Variants in RBFOX1 observed in about 807,000 individuals in gnomAD.
RBFOX1 encodes the protein RNA binding protein fox-1 homolog 1.
RBFOX1 carries 8 observed loss-of-function variants against 57.7 expected under a neutral mutation model. That is an observed-to-expected ratio of 0.14 (90% confidence interval 0.08 to 0.25). RBFOX1 has a LOEUF of 0.25. Ranked by LOEUF, RBFOX1 falls within the 10% of genes least tolerant of loss-of-function variation. RBFOX1 has a pLI of 1.00. For missense variants in RBFOX1, 611 were observed against 548.5 expected, an observed-to-expected ratio of 1.11 and a Z score of -1.14; for synonymous variants, 326 against 222.4, an observed-to-expected ratio of 1.47 and a Z score of -4.15.
chr16:7,136,940 C>A (rs1212242421), intron 4 of RBFOX1, among the ~76,000 whole-genome samples: 1 of 152,206 alleles, frequency 6.6e-6, no homozygotes, highest in Non-Finnish European at 1.5e-5. Flanking sequence ...TTTCATTCCT[C>A]GTCATGGCCC....
chr16:6,613,002 CATGTGTGT>C (rs1430669076), intron 2 of RBFOX1, among the ~76,000 whole-genome samples: 2 of 116,946 alleles, frequency 1.7e-5, no homozygotes, highest in Admixed American at 2.0e-4. Context: ...CCAGTCCCAG[CATGTGTGT>C]GTGTGTGTGT....
At chr16:7,488,011 G>T (rs1040089822) in intron 4 of RBFOX1, among the ~76,000 whole-genome samples, 1 of 152,092 alleles carries the variant, frequency 6.6e-6, no homozygotes, top group East Asian at 1.9e-4. Flanking sequence ...ACAAGAGGCC[G>T]GCCTTGTGAA....
intron 2 of RBFOX1, among the ~76,000 whole-genome samples, chr16:6,414,929 C>T (rs924925601): frequency 7.9e-5 from 12 of 152,090 alleles, no homozygotes; most frequent in Admixed American, 5.2e-4. Context: ...AAGAATGAAC[C>T]GGTCCCAATA....
At position 7,551,497 on chromosome 16, in the gene RBFOX1, C is replaced by T. The variant is rs149414124; in HGVS notation, c.271-28280C>T. ...AGACACTGGAGAGACAGTAGTGATC[C>T]AGTCAGCCAATAGCTCTGTGCTACT... On this transcript the variant is annotated intron_variant, in intron 5 of 15. Coordinates refer to ENST00000550418, the MANE Select transcript of RBFOX1 (RefSeq NM_018723.4). Among the ~76,000 whole-genome samples the T allele has an allele frequency of 9.5e-4, 145 of 152,288 alleles. 1 individual carries two copies. The highest frequency in any genetic ancestry group is 3.0e-3 in the African/African-American group (123 of 41,554).
At chr16:7,362,924 C>T (rs1231929539) in intron 4 of RBFOX1, among the ~76,000 whole-genome samples, 1 of 152,102 alleles carries the variant, frequency 6.6e-6, no homozygotes, top group Non-Finnish European at 1.5e-5. Context: ...CTCAGCTCTG[C>T]ACTAGTGTGT....
intron 2 of RBFOX1, among the ~76,000 whole-genome samples, chr16:6,449,339 A>G (rs117669990): frequency 2.0e-5 from 3 of 152,318 alleles, no homozygotes; most frequent in Non-Finnish European, 2.9e-5. Flanking sequence ...AGATGTTTCA[A>G]AGGTCTGAAA....
chr16:5,293,048 C>G (rs763122991), intron 1 of RBFOX1, among the ~76,000 whole-genome samples: 2 of 152,134 alleles, frequency 1.3e-5, no homozygotes, highest in South Asian at 2.1e-4. Flanking sequence ...AGGCTGGGCA[C>G]TGTGGCTCAT....
intron 3 of RBFOX1, among the ~76,000 whole-genome samples, chr16:6,727,320 G>A (rs989212517): frequency 4.0e-5 from 6 of 151,790 alleles, no homozygotes; most frequent in South Asian, 2.1e-4. Context: ...AAAAAAAAAC[G>A]CAATTGCTTT....
At chr16:6,260,860 A>G (rs2097697735) in intron 1 of RBFOX1, among the ~76,000 whole-genome samples, 1 of 152,138 alleles carries the variant, frequency 6.6e-6, no homozygotes, top group African/African-American at 2.4e-5. Context: ...CAGCCTGGGC[A>G]ACAGTGCAAG....
intron 4 of RBFOX1, among the ~76,000 whole-genome samples, chr16:7,435,596 A>C (rs1270481974): frequency 6.6e-6 from 1 of 152,198 alleles, no homozygotes; most frequent in Non-Finnish European, 1.5e-5. Flanking sequence ...GACCTGGGTA[A>C]AGGACCATCA....
intron 7 of RBFOX1, among the ~76,000 whole-genome samples, chr16:7,593,341 C>G (rs1413624971): frequency 6.6e-6 from 1 of 152,150 alleles, no homozygotes; most frequent in African/African-American, 2.4e-5. Flanking sequence ...TTAGAACTGT[C>G]AAATAGAGCA....
intron 1 of RBFOX1, among the ~76,000 whole-genome samples, chr16:5,312,671 G>A (rs1442402241): frequency 1.3e-5 from 2 of 152,104 alleles, no homozygotes; most frequent in Admixed American, 1.3e-4. Flanking sequence ...GGAGTTCTGA[G>A]GACACCCAAG....
rs570315161 is a variant in RBFOX1 at position 6,910,676 on chromosome 16, C to G, written c.-15-141381C>G. 1.4e-4 allele frequency among the ~76,000 whole-genome samples: 22 copies of G among 152,268 alleles called. No homozygotes were observed. In the South Asian group the frequency reaches 3.1e-3, roughly 22 times the overall value. On this transcript the variant is annotated intron_variant, in intron 3 of 15. Coordinates refer to ENST00000550418, the MANE Select transcript of RBFOX1 (RefSeq NM_018723.4). Reference sequence around the variant, plus strand: ...GCCACCTGGATTACGAGGCTCGTGGCCCTTCTCAGCTTCAAAGCCAGCAGT... The same window carrying G: ...GCCACCTGGATTACGAGGCTCGTGGGCCTTCTCAGCTTCAAAGCCAGCAGT...
At chr16:6,712,738 C>T (rs1294289010) in intron 3 of RBFOX1, among the ~76,000 whole-genome samples, 3 of 152,172 alleles carry the variant, frequency 2.0e-5, no homozygotes, top group Non-Finnish European at 4.4e-5. Context: ...CTCCTATCAC[C>T]TGGCAGCTGG....
chr16:7,279,784 C>A (rs961017536), intron 4 of RBFOX1, among the ~76,000 whole-genome samples: 1 of 152,200 alleles, frequency 6.6e-6, no homozygotes, highest in Non-Finnish European at 1.5e-5. Flanking sequence ...TCCTCTTTCT[C>A]TTATGTGAAA....
rs146584543 is a variant in RBFOX1 at position 6,892,240 on chromosome 16, A to T, written c.-15-159817A>T. 6.6e-3 allele frequency among the ~76,000 whole-genome samples: 1,006 copies of T among 152,240 alleles called. 13 individuals carry two copies. The highest frequency in any genetic ancestry group is 0.023 in the African/African-American group (961 of 41,544). On this transcript the variant is annotated intron_variant, in intron 3 of 15. Transcript: ENST00000550418. ...TTCCCCAGAGCTCCTTCAATTCTTC[A>T]CATTTTTGACAGTAACACTTTGTAA... is the stretch of plus-strand genomic sequence containing the variant.
chr16:7,104,325 T>A (rs1015986224), intron 4 of RBFOX1, among the ~76,000 whole-genome samples: 1 of 152,144 alleles, frequency 6.6e-6, no homozygotes, highest in Non-Finnish European at 1.5e-5. Flanking sequence ...TTGATGTAAC[T>A]TCTCCTAAGG....
At chr16:6,716,442 A>G in intron 3 of RBFOX1, among the ~76,000 whole-genome samples, 1 of 151,806 alleles carries the variant, frequency 6.6e-6, no homozygotes. Context: ...TTGTTGTTTT[A>G]TTTTGCTTTA....
At chr16:6,437,200 T>C (rs2094260013) in intron 2 of RBFOX1, among the ~76,000 whole-genome samples, 1 of 152,194 alleles carries the variant, frequency 6.6e-6, no homozygotes, top group African/African-American at 2.4e-5. Flanking sequence ...GTTTTTACTG[T>C]TCAATCAGGA....
Sources: gnomAD v4.1 joint callset for allele counts (sites outside exome capture counted in the v4.1 genomes callset) on GRCh38, gnomAD v4.1.1 for gene constraint, MANE v1.5 for transcripts, NCBI Gene and HGNC (gene_info 2026-07-23, HGNC 2026-07-21) for gene names.